KLHL13: variants seen among roughly 807,000 people sequenced by gnomAD.
KLHL13 encodes kelch like family member 13, also known as kelch-like protein 13.
In KLHL13, 10 loss-of-function variants were observed where a neutral mutation model predicts 37.1. The observed-to-expected ratio is 0.27, with a 90% CI of 0.17 to 0.46. The LOEUF (loss-of-function observed/expected upper bound fraction) is 0.46. Ranked by LOEUF, KLHL13 falls within the 20% of genes least tolerant of loss-of-function variation. KLHL13 has a pLI of 1.00. For missense variants in KLHL13, 360 were observed against 509.3 expected, an observed-to-expected ratio of 0.71 and a Z score of 2.82; for synonymous variants, 163 against 181.2, an observed-to-expected ratio of 0.90 and a Z score of 0.81.
intron 1 of KLHL13, among the ~76,000 whole-genome samples, chrX:118,087,369 C>T (rs1420747562): frequency 9.1e-6 from 1 of 109,455 alleles, no homozygotes; most frequent in African/African-American, 3.3e-5. Context: ...AACTTCTATC[C>T]ACTGAATCTA....
chrX:117,975,390 T>C (rs749067854), upstream of KLHL13, among the ~76,000 whole-genome samples: 1 of 112,199 alleles, frequency 8.9e-6, no homozygotes, highest in South Asian at 3.7e-4. Flanking sequence ...TATGAATCTT[T>C]TTGTTTGTTT....
At chrX:118,080,586 CTG>C (rs1315894662) in intron 1 of KLHL13, among the ~76,000 whole-genome samples, 3 of 111,857 alleles carry the variant, frequency 2.7e-5, no homozygotes, top group African/African-American at 9.7e-5. Flanking sequence ...GTGAGAATGG[CTG>C]TTATTAAAAA....
At chrX:118,033,519 A>C (rs759743873) in intron 1 of KLHL13, among the ~76,000 whole-genome samples, 2 of 110,734 alleles carry the variant, frequency 1.8e-5, no homozygotes, top group Middle Eastern at 4.6e-3. Flanking sequence ...GAAATAAAAT[A>C]CTTTACAGAC....
chrX:117,945,559 C>T, exon 2 of KLHL13: 5 of 1,203,566 alleles, frequency 4.2e-6, no homozygotes, highest in Non-Finnish European at 4.5e-6. Context: ...TGTTGGTCTT[C>T]CTCTTCCACG....
intron 4 of KLHL13, among the ~76,000 whole-genome samples, chrX:117,916,806 A>G (rs1033403364): frequency 1.8e-5 from 2 of 111,379 alleles, no homozygotes; most frequent in East Asian, 2.8e-4. Flanking sequence ...GTGAACTATA[A>G]TATCACTATA....
At chrX:118,048,637 G>A (rs147807333) in intron 1 of KLHL13, among the ~76,000 whole-genome samples, 9,385 of 111,510 alleles carry the variant, frequency 0.084, 346 homozygotes, top group Middle Eastern at 0.14. Flanking sequence ...CCCTGAAGTC[G>A]GGACTATGTA....
upstream of KLHL13, among the ~76,000 whole-genome samples, chrX:117,977,800 C>G (rs1034843754): frequency 6.2e-5 from 7 of 112,249 alleles, no homozygotes; most frequent in South Asian, 3.7e-4. Flanking sequence ...ACACAAAATT[C>G]TGGACAGCAA....
Position 117,950,002 on chromosome X carries a change from A to C in KLHL13, c.99-4427T>G, listed in dbSNP as rs12010051. Among the ~76,000 whole-genome samples, 651 of 112,775 alleles carry C rather than the reference A, an allele frequency of 5.8e-3. 9 individuals carry two copies. Among genetic ancestry groups the C allele is most frequent in the African/African-American group, 0.02 (615 of 31,102 alleles). On this transcript the variant is annotated intron_variant, in intron 1 of 6. Coordinates refer to ENST00000262820, the Ensembl canonical transcript of KLHL13. ...TACTGTTTGTAATTTCTGAAGGGAA[A>C]AAAGAAGAAATGAATTAGAGAAAAG...
intron 1 of KLHL13, among the ~76,000 whole-genome samples, chrX:117,986,278 T>TA (rs1569433801): frequency 8.9e-6 from 1 of 111,851 alleles, no homozygotes; most frequent in Non-Finnish European, 1.9e-5. Flanking sequence ...AGAAATAGCC[T>TA]GTGCAAAGAA....
intron 1 of KLHL13, 112 bp from the exon 3 acceptor site, chrX:117,945,687 T>TG: frequency 1.7e-6 from 1 of 573,434 alleles, no homozygotes; most frequent in Non-Finnish European, 2.7e-6. Flanking sequence ...CCATGCAATA[T>TG]GGTGAATATT....
At position 117,902,251 on chromosome X, in the gene KLHL13, T is replaced by C. The variant is rs764971985; in HGVS notation, c.1367-305A>G. Among the ~76,000 whole-genome samples, 3 of 111,618 alleles carry C rather than the reference T, an allele frequency of 2.7e-5. No individual in the cohort carries two copies. In the South Asian group the frequency reaches 1.1e-3, roughly 42 times the overall value. ...TTACATATTTATAATTTGACATTTC[T>C]CCATTTTCTTTGCTCTAAAAACATA... On this transcript the variant is annotated intron_variant, in intron 5 of 6. Transcript: ENST00000262820.
chrX:118,089,379 G>A lies in KLHL13; in HGVS notation c.-56+27129C>T, dbSNP rs1311294632. On this transcript the variant is annotated intron_variant, in intron 1 of 6. Coordinates refer to the KLHL13 transcript ENST00000371882. ...TCACTGGAGGTCTAGTGAGGAGCCA[G>A]GACTTCCACCCTCACCCACCAGTAA... is the stretch of plus-strand genomic sequence containing the variant. Among the ~76,000 whole-genome samples the A allele has an allele frequency of 4.6e-5, 5 of 108,851 alleles. 1 individual carries two copies. Among genetic ancestry groups the A allele is most frequent in the African/African-American group, 6.7e-5 (2 of 29,815 alleles). 94.5% of individuals were successfully genotyped at this position (108,851 alleles called of 115,157 possible). A position where few individuals can be genotyped will look rare whatever the true frequency, so the allele number is the denominator to read the frequency against.
At chrX:117,961,821 G>A (rs1488062463) in intron 1 of KLHL13, among the ~76,000 whole-genome samples, 1 of 110,703 alleles carries the variant, frequency 9.0e-6, no homozygotes, top group African/African-American at 3.3e-5. Flanking sequence ...GGAATGAGCA[G>A]GAAACAGATT....
At chrX:117,921,486 T>C (rs1473497872) in intron 2 of KLHL13, among the ~76,000 whole-genome samples, 2 of 111,684 alleles carry the variant, frequency 1.8e-5, no homozygotes, top group Non-Finnish European at 3.8e-5. Context: ...AATGAACATT[T>C]TGGCAAGATT....
Position 118,027,332 on chromosome X carries a change from T to C in KLHL13, c.-55-81757A>G, listed in dbSNP as rs185237128. Among the ~76,000 whole-genome samples the C allele has an allele frequency of 3.6e-4, 40 of 110,891 alleles. No homozygotes were observed. The East Asian group carries it at 0.011, about 29-fold the overall frequency. ...TACTAATTTGGCTCCTTCTGACTTC[T>C]TTTTGTTTCCTAGTCTTAAAAACCC... is the stretch of plus-strand genomic sequence containing the variant. On this transcript the variant is annotated intron_variant, in intron 1 of 6. Coordinates refer to the KLHL13 transcript ENST00000371882.
At chrX:117,939,863 T>C (rs1932930884) in intron 2 of KLHL13, among the ~76,000 whole-genome samples, 1 of 111,866 alleles carries the variant, frequency 8.9e-6, no homozygotes, top group Non-Finnish European at 1.9e-5. Flanking sequence ...ATGGACAGAT[T>C]GCAAAAATTT....
intron 1 of KLHL13, among the ~76,000 whole-genome samples, chrX:117,962,748 A>G (rs1027322690): frequency 1.8e-5 from 2 of 112,064 alleles, no homozygotes; most frequent in African/African-American, 6.5e-5. Flanking sequence ...GAAAGTAGCA[A>G]AAGTCTATAA....
chrX:118,056,062 C>G (rs1303190199), intron 1 of KLHL13, among the ~76,000 whole-genome samples: 1 of 111,127 alleles, frequency 9.0e-6, no homozygotes, highest in African/African-American at 3.3e-5. Flanking sequence ...TGAGCTTGTA[C>G]GTAGAAAATC....
chrX:117,951,943 AG>A (rs1200725335), intron 1 of KLHL13, among the ~76,000 whole-genome samples: 1 of 112,286 alleles, frequency 8.9e-6, no homozygotes, highest in Non-Finnish European at 1.9e-5. Flanking sequence ...GTTCATGGGT[AG>A]GAAGAAACAA....
Sources: allele counts gnomAD v4.1 joint callset (sites outside exome capture counted in the v4.1 genomes callset), GRCh38; gene constraint gnomAD v4.1.1; transcripts MANE v1.5; gene names NCBI Gene and HGNC (gene_info 2026-07-23, HGNC 2026-07-21).